The following RTN1 variants were observed in gnomAD, a reference collection of about 807,000 sequenced individuals.
RTN1 encodes reticulon-1.
A neutral mutation model predicts 65.5 loss-of-function variants in RTN1; 25 were observed. The ratio of observed to expected loss-of-function variants is 0.38; its 90% CI spans 0.28 to 0.53. RTN1 has a LOEUF of 0.53. RTN1 is among the 20% of genes least tolerant of loss of function. The pLI, the probability that RTN1 is intolerant of heterozygous loss-of-function variation, is 0.79. For missense variants in RTN1, 983 were observed against 1,025.4 expected, an observed-to-expected ratio of 0.96 and a Z score of 0.57; for synonymous variants, 471 against 447.6, an observed-to-expected ratio of 1.05 and a Z score of -0.66.
chr14:59,663,497 T>G (rs903404181), intron 3 of RTN1, among the ~76,000 whole-genome samples: 1 of 152,142 alleles, frequency 6.6e-6, no homozygotes, highest in Non-Finnish European at 1.5e-5. Flanking sequence ...CTAATTAAAC[T>G]GACAGACTTC....
At chr14:59,739,295 C>T (rs1477193400) in intron 2 of RTN1, among the ~76,000 whole-genome samples, 1 of 152,046 alleles carries the variant, frequency 6.6e-6, no homozygotes, top group Non-Finnish European at 1.5e-5. Flanking sequence ...CCGAGGCGGG[C>T]AGATCACCTG....
At chr14:59,613,185 G>A (rs2140169788) in intron 3 of RTN1, among the ~76,000 whole-genome samples, 1 of 152,266 alleles carries the variant, frequency 6.6e-6, no homozygotes, top group South Asian at 2.1e-4. Flanking sequence ...AAAAATATTG[G>A]CCACTTGGCA....
At chr14:59,691,979 C>T (rs1210400379) in intron 3 of RTN1, among the ~76,000 whole-genome samples, 1 of 152,148 alleles carries the variant, frequency 6.6e-6, no homozygotes, top group Non-Finnish European at 1.5e-5. Flanking sequence ...CAGCCAACAT[C>T]ATATTGAACA....
In RTN1 at chr14:59,829,182, A is replaced by C. The variant is rs76226659; in HGVS notation, c.241+41208T>G. On this transcript the variant is annotated intron_variant, in intron 1 of 8. Coordinates refer to ENST00000267484, the MANE Select transcript of RTN1 (RefSeq NM_021136.3). This position sits in a 1 kb window ranked among gnomAD's most constrained non-coding sequence, Gnocchi z 4.3. ...ATTAACATTTTAAAGTGCCTTCTAC[A>C]ACAATGTTTTGGGAGGGATTTAAGG... 0.012 allele frequency among the ~76,000 whole-genome samples: 1,875 copies of C among 152,266 alleles called. 35 individuals are homozygous for C. Among genetic ancestry groups the C allele is most frequent in the African/African-American group, 0.042 (1,744 of 41,538 alleles).
intron 2 of RTN1, among the ~76,000 whole-genome samples, chr14:59,731,833 G>C (rs1181339975): frequency 6.6e-6 from 1 of 151,920 alleles, no homozygotes; most frequent in Non-Finnish European, 1.5e-5. Flanking sequence ...ATGAAATGTT[G>C]GTCTCCCCCA....
chr14:59,826,292 A>G (rs964852106), intron 1 of RTN1, among the ~76,000 whole-genome samples: 8 of 152,246 alleles, frequency 5.3e-5, no homozygotes, highest in African/African-American at 1.9e-4. Context: ...TTTCCTCATC[A>G]ATAAAATGGG....
chr14:59,701,936 A>C (rs1232391836), intron 3 of RTN1, among the ~76,000 whole-genome samples: 1 of 152,132 alleles, frequency 6.6e-6, no homozygotes, highest in African/African-American at 2.4e-5. Context: ...TGCCTCACTT[A>C]CCCTAACTGT....
chr14:59,597,404 G>A (rs967223327), intron 8 of RTN1, among the ~76,000 whole-genome samples: 3 of 152,248 alleles, frequency 2.0e-5, no homozygotes, highest in African/African-American at 7.2e-5. Flanking sequence ...CCAGGGTCCT[G>A]AAATTCTGTG....
chr14:59,659,651 G>C (rs1479990802), intron 3 of RTN1, among the ~76,000 whole-genome samples: 1 of 152,152 alleles, frequency 6.6e-6, no homozygotes, highest in East Asian at 1.9e-4. Flanking sequence ...AGCTTCATAA[G>C]TGAAGAAGAA....
At chr14:59,660,920 C>A (rs1026338701) in intron 3 of RTN1, among the ~76,000 whole-genome samples, 1 of 151,734 alleles carries the variant, frequency 6.6e-6, no homozygotes, top group Non-Finnish European at 1.5e-5. Flanking sequence ...ACATGAAAAA[C>A]CCTTCAAAAA....
At chr14:59,609,814 G>C (rs747091959) in intron 3 of RTN1, among the ~76,000 whole-genome samples, 39 of 152,194 alleles carry the variant, frequency 2.6e-4, no homozygotes, top group Admixed American at 9.8e-4. Flanking sequence ...CAGGAACTAA[G>C]TGCCAGGCTT....
At chr14:59,862,828 T>C (rs571128935) in intron 1 of RTN1, among the ~76,000 whole-genome samples, 8 of 152,292 alleles carry the variant, frequency 5.3e-5, no homozygotes, top group South Asian at 2.1e-4. Flanking sequence ...TCTCTCATTT[T>C]CCCAAACGAC....
chr14:59,854,499 G>T (rs935478447), intron 1 of RTN1, among the ~76,000 whole-genome samples: 2 of 151,778 alleles, frequency 1.3e-5, no homozygotes, highest in Non-Finnish European at 2.9e-5. Context: ...AAATTAGCTG[G>T]GTGTGGTGGC....
intron 2 of RTN1, among the ~76,000 whole-genome samples, chr14:59,735,238 C>G (rs1250405896): frequency 6.6e-6 from 1 of 152,142 alleles, no homozygotes; most frequent in African/African-American, 2.4e-5. Context: ...CTGAAGGAAA[C>G]ACTGAATATG....
In RTN1 at chr14:59,776,026, G is replaced by A. The variant is rs145199291; in HGVS notation, c.242-29545C>T. 2.3e-4 allele frequency among the ~76,000 whole-genome samples: 35 copies of A among 152,132 alleles called. No individual in the cohort carries two copies. In the East Asian group the frequency reaches 5.6e-3, roughly 24 times the overall value. ...AATGTCATATTATAATAAAGTTTAG[G>A]GCATTTCTAGCACTTTCCTAGTCAT... On this transcript the variant is annotated intron_variant, in intron 1 of 8. Transcript: ENST00000267484.
chr14:59,742,206 T>C (rs1209408954), intron 2 of RTN1, among the ~76,000 whole-genome samples: 1 of 152,220 alleles, frequency 6.6e-6, no homozygotes, highest in African/African-American at 2.4e-5. Context: ...TGATTTACTT[T>C]TAATTGCTCA....
intron 3 of RTN1, among the ~76,000 whole-genome samples, chr14:59,662,306 C>A: frequency 6.8e-6 from 1 of 146,802 alleles, no homozygotes; most frequent in East Asian, 2.0e-4. Context: ...GCTATCCTTC[C>A]CCCCTCCCCC....
rs1201927722 is a variant in RTN1, at chr14:59,766,639, C to G, written c.242-20158G>C. Among the ~76,000 whole-genome samples, 2 of 152,098 alleles carry G rather than the reference C, an allele frequency of 1.3e-5. No individual in the cohort carries two copies. The highest frequency in any genetic ancestry group is 2.4e-5 in the African/African-American group (1 of 41,420). On this transcript the variant is annotated intron_variant, in intron 1 of 8. Transcript: ENST00000267484. The surrounding 1 kb of genome is among the most constrained non-coding windows in gnomAD (Gnocchi z 4.4). ...ATTTCTTCCTTGAATGGCAAGATAA[C>G]AGTTTCAATATTATTTCTTAGCATA... is the stretch of plus-strand genomic sequence containing the variant.
chr14:59,632,160 T>C lies in RTN1; in HGVS notation c.1766-24668A>G, dbSNP rs150293266. Among the ~76,000 whole-genome samples the C allele has an allele frequency of 1.6e-4, 24 of 152,306 alleles. No individual in the cohort carries two copies. In the East Asian group the frequency reaches 3.5e-3, roughly 22 times the overall value. On this transcript the variant is annotated intron_variant, in intron 3 of 8. Coordinates refer to ENST00000267484, the MANE Select transcript of RTN1 (RefSeq NM_021136.3). ...CCTCTCTGCGTATCTTTGTAACATA[T>C]CTGAAATTATTCTTGATAAAGCTTA... is the stretch of plus-strand genomic sequence containing the variant.
Sources: gnomAD v4.1 joint callset for allele counts (sites outside exome capture counted in the v4.1 genomes callset) on GRCh38, gnomAD v4.1.1 for gene constraint, Gnocchi (gnomAD v3.1) non-coding constraint, MANE v1.5 for transcripts, NCBI Gene and HGNC (gene_info 2026-07-23, HGNC 2026-07-21) for gene names.